CNTN4: variants seen among roughly 807,000 people sequenced by gnomAD.
CNTN4 encodes contactin-4.
A neutral mutation model predicts 122.5 loss-of-function variants in CNTN4; 77 were observed. The ratio of observed to expected loss-of-function variants is 0.63; its 90% CI spans 0.52 to 0.76. The LOEUF (loss-of-function observed/expected upper bound fraction) is 0.76. CNTN4 is among the 30% of genes least tolerant of loss of function. The pLI, the probability that CNTN4 is intolerant of heterozygous loss-of-function variation, is 0.00. For synonymous variants in CNTN4, 512 were observed against 447.0 expected (o/e 1.15, Z -1.83); for missense variants, 1,256 against 1,259.1 (o/e 1.00, Z 0.04).
intron 13 of CNTN4, among the ~76,000 whole-genome samples, chr3:2,926,098 T>C (rs73114679): frequency 0.011 from 1,618 of 152,280 alleles, 33 homozygotes; most frequent in African/African-American, 0.036. Flanking sequence ...TCCCCACCTT[T>C]CCCCATCCTA....
intron 3 of CNTN4, among the ~76,000 whole-genome samples, chr3:2,519,911 G>A (rs1294699400): frequency 6.6e-6 from 1 of 152,030 alleles, no homozygotes; most frequent in Non-Finnish European, 1.5e-5. Flanking sequence ...CCTAAGAGAG[G>A]GAACCTGTGT....
At chr3:2,173,468 T>C (rs996731164) in intron 2 of CNTN4, among the ~76,000 whole-genome samples, 1 of 152,200 alleles carries the variant, frequency 6.6e-6, no homozygotes, top group Non-Finnish European at 1.5e-5. Context: ...TCCACAGTAT[T>C]CTAGATTTTT....
chr3:2,398,108 C>T (rs1321140415), intron 3 of CNTN4, among the ~76,000 whole-genome samples: 1 of 152,030 alleles, frequency 6.6e-6, no homozygotes, highest in Non-Finnish European at 1.5e-5. Context: ...AAAGTCGAGA[C>T]AGTTTTCTTC....
At chr3:2,119,396 A>G (rs887189096) in intron 2 of CNTN4, among the ~76,000 whole-genome samples, 1 of 152,194 alleles carries the variant, frequency 6.6e-6, no homozygotes, top group East Asian at 1.9e-4. Flanking sequence ...TGTATGAGAA[A>G]GTTTCTCTAG....
chr3:2,419,315 C>T (rs925262294), intron 3 of CNTN4, among the ~76,000 whole-genome samples: 1 of 152,022 alleles, frequency 6.6e-6, no homozygotes, highest in African/African-American at 2.4e-5. Context: ...TTTATTAAGA[C>T]TTTATAGTTT....
chr3:2,165,247 C>A (rs143208609), intron 2 of CNTN4, among the ~76,000 whole-genome samples: 4,313 of 151,830 alleles, frequency 0.028, 93 homozygotes, highest in African/African-American at 0.059. Context: ...TGCTTGAACC[C>A]AGGAGGCAGA....
At chr3:2,367,404 C>T (rs886468251) in intron 3 of CNTN4, among the ~76,000 whole-genome samples, 4 of 152,208 alleles carry the variant, frequency 2.6e-5, no homozygotes, top group African/African-American at 9.6e-5. Flanking sequence ...AAACGAAAAA[C>T]ACAAACCACC....
At position 2,998,456 on chromosome 3, in the gene CNTN4, T is replaced by C. The variant is rs1695736266; in HGVS notation, c.1486+9984T>C. On this transcript the variant is annotated intron_variant, in intron 14 of 24. Coordinates refer to ENST00000418658, the MANE Select transcript of CNTN4 (RefSeq NM_175607.3). ...CCCAGGAATTTTCATTTTCAACAAG[T>C]TCTTCAGGGAATGCCTACACTCAAC... Among the ~76,000 whole-genome samples the C allele has an allele frequency of 1.3e-5, 2 of 152,058 alleles. 1 individual carries two copies. The highest frequency in any genetic ancestry group is 4.1e-4 in the South Asian group (2 of 4,826).
chr3:2,700,606 G>A (rs1195750911), intron 4 of CNTN4, among the ~76,000 whole-genome samples: 1 of 151,466 alleles, frequency 6.6e-6, no homozygotes, highest in African/African-American at 2.4e-5. Flanking sequence ...TTTGAAATTA[G>A]CCTGTCATCT....
intron 2 of CNTN4, among the ~76,000 whole-genome samples, chr3:2,249,583 C>T (rs1352836765): frequency 2.0e-5 from 3 of 151,790 alleles, no homozygotes; most frequent in Non-Finnish European, 4.4e-5. Context: ...TTGAGGTTTA[C>T]AGGAAGCACA....
intron 3 of CNTN4, among the ~76,000 whole-genome samples, chr3:2,562,895 T>A (rs986257908): frequency 9.9e-5 from 15 of 151,928 alleles, no homozygotes; most frequent in African/African-American, 2.2e-4. Context: ...GGCTAACTTT[T>A]AAATTTTTTT....
chr3:2,420,068 A>G (rs529963721), intron 3 of CNTN4, among the ~76,000 whole-genome samples: 1 of 152,332 alleles, frequency 6.6e-6, no homozygotes, highest in African/African-American at 2.4e-5. Context: ...TTCCTCATAC[A>G]GTGCAATAGT....
chr3:2,866,229 G>C (rs775450740), intron 7 of CNTN4, among the ~76,000 whole-genome samples: 1 of 152,108 alleles, frequency 6.6e-6, no homozygotes, highest in African/African-American at 2.4e-5. Flanking sequence ...TCTGTTCCTA[G>C]GTGCCCGTTT....
At chr3:2,634,384 C>G (rs899252667) in intron 4 of CNTN4, among the ~76,000 whole-genome samples, 37 of 152,000 alleles carry the variant, frequency 2.4e-4, no homozygotes, top group African/African-American at 7.0e-4. Context: ...ATAAGTATTC[C>G]TTCCTAAAAA....
At chr3:2,381,167 G>A (rs1054193768) in intron 3 of CNTN4, among the ~76,000 whole-genome samples, 16 of 151,760 alleles carry the variant, frequency 1.1e-4, no homozygotes, top group African/African-American at 3.4e-4. Flanking sequence ...CACCACACCC[G>A]GCTAATTTTT....
At chr3:2,517,567 G>A (rs1400503295) in intron 3 of CNTN4, among the ~76,000 whole-genome samples, 1 of 152,138 alleles carries the variant, frequency 6.6e-6, no homozygotes, top group South Asian at 2.1e-4. Flanking sequence ...ATGACTTCTT[G>A]AAATCCTTTC....
chr3:2,403,464 TC>T (rs2046928603), intron 3 of CNTN4, among the ~76,000 whole-genome samples: 1 of 152,174 alleles, frequency 6.6e-6, no homozygotes, highest in South Asian at 2.1e-4. Context: ...GATCTTCCCG[TC>T]CCTCTGTCCC....
At chr3:2,569,277 C>T (rs551799421) in intron 3 of CNTN4, among the ~76,000 whole-genome samples, 5 of 152,290 alleles carry the variant, frequency 3.3e-5, no homozygotes, top group Middle Eastern at 3.4e-3. Context: ...GGTAAACATA[C>T]AGGCTTTGCA....
rs1226580526 is a variant in CNTN4, at chr3:2,902,924, C to T, written c.1126C>T (p.Leu376Phe). 10 of 1,613,620 alleles carry T rather than the reference C, an allele frequency of 6.2e-6. No individual in the cohort carries two copies. In the South Asian group the frequency reaches 9.9e-5, roughly 16 times the overall value. The change falls in exon 12 of 25, where the codon CTC becomes TTC. Residue 376 changes from leucine to phenylalanine, a missense_variant. Coordinates refer to ENST00000418658, the MANE Select transcript of CNTN4 (RefSeq NM_175607.3). ...QGTLNITIVN[L>F]SDAGMYQCLA... ...AACACTCAACATAACAATAGTGAAC[C>T]TCTCAGATGCTGGCATGTATCAGTG... is the stretch of plus-strand genomic sequence containing the variant.
Sources: allele counts gnomAD v4.1 joint callset (sites outside exome capture counted in the v4.1 genomes callset), GRCh38; gene constraint gnomAD v4.1.1; transcripts MANE v1.5; gene names NCBI Gene and HGNC (gene_info 2026-07-23, HGNC 2026-07-21).